Variants in FAM217A observed in about 807,000 individuals in gnomAD.
The protein encoded by FAM217A is protein FAM217A.
Under a neutral mutation model 18.5 loss-of-function variants are expected in FAM217A, and 13 were observed. That is an observed-to-expected ratio of 0.70 (90% confidence interval 0.46 to 1.12). The LOEUF is 1.12. Among genes scored for constraint, FAM217A ranks in the 50% most tolerant of loss-of-function variants. FAM217A has a pLI of 0.00. For missense variants in FAM217A, 560 were observed against 575.4 expected, an observed-to-expected ratio of 0.97 and a Z score of 0.27; for synonymous variants, 161 against 202.8, an observed-to-expected ratio of 0.79 and a Z score of 1.75.
chr6:4,087,108 C>G (rs190890357), upstream of FAM217A: 1 of 402,380 alleles, frequency 2.5e-6, no homozygotes, highest in South Asian at 1.3e-4. Flanking sequence ...CTTGGGGCCT[C>G]GTAGGTCTGT....
At chr6:4,080,736 T>C (rs1359932837), upstream of FAM217A, among the ~76,000 whole-genome samples, 3 of 152,222 alleles carry the variant, frequency 2.0e-5, 1 homozygote, top group Admixed American at 2.0e-4. Flanking sequence ...TCGGACATTT[T>C]ACAATTTTCC....
rs942391088 is a variant in FAM217A at position 4,073,192 on chromosome 6, T to C, written c.302+83A>G. The C allele has an allele frequency of 2.8e-6, 3 of 1,064,758 alleles. No homozygotes were observed. In the African/African-American group the frequency reaches 4.8e-5, roughly 17 times the overall value. The allele number at this position is 1,064,758 out of a possible 1,614,324, so 66.0% of individuals were successfully genotyped here. A position where few individuals can be genotyped will look rare whatever the true frequency, so the allele number is the denominator to read the frequency against. On this transcript the variant is annotated intron_variant, in intron 6 of 6. Coordinates refer to ENST00000274673, the MANE Select transcript of FAM217A (RefSeq NM_173563.3). ...ACTATTTTCTTCTGGTTGTTCATGG[T>C]CCTTGTATTTCAAATAGTTATCTCA...
At chr6:4,082,594 C>T (rs1770372812), upstream of FAM217A, among the ~76,000 whole-genome samples, 1 of 152,218 alleles carries the variant, frequency 6.6e-6, no homozygotes, top group Admixed American at 6.5e-5. Flanking sequence ...CAGAGAGTGG[C>T]CCATACCCAG....
chr6:4,080,671 C>T (rs1770228200), upstream of FAM217A, among the ~76,000 whole-genome samples: 1 of 152,220 alleles, frequency 6.6e-6, no homozygotes, highest in South Asian at 2.1e-4. Flanking sequence ...ATTCTGCAGC[C>T]ATCCCTTAGG....
At chr6:4,085,508 T>TA (rs1449750742) in intron 1 of FAM217A, among the ~76,000 whole-genome samples, 1 of 152,082 alleles carries the variant, frequency 6.6e-6, no homozygotes, top group Non-Finnish European at 1.5e-5. Context: ...TATAAAGAAT[T>TA]ACATTTTAGT....
intron 2 of FAM217A, among the ~76,000 whole-genome samples, chr6:4,074,940 A>T (rs1428254872): frequency 6.6e-6 from 1 of 152,200 alleles, no homozygotes; most frequent in Non-Finnish European, 1.5e-5. Flanking sequence ...AGGTTTTCAA[A>T]ATTGATTTTT....
At chr6:4,077,301 G>C (rs666254) in intron 2 of FAM217A, 54 bp downstream of exon 2, 328,581 of 1,583,072 alleles carry the variant, frequency 0.21, 39,489 homozygotes, top group African/African-American at 0.51. Context: ...GGAGTTACGT[G>C]TTAGCAACAG....
Position 4,075,644 on chromosome 6 carries a change from C to T in FAM217A, c.61-983G>A, listed in dbSNP as rs186289158. Among the ~76,000 whole-genome samples the T allele has an allele frequency of 6.6e-5, 10 of 152,142 alleles. No individual in the cohort carries two copies. The East Asian group carries it at 1.9e-3, about 29-fold the overall frequency. On this transcript the variant is annotated intron_variant, in intron 2 of 6. Coordinates refer to ENST00000274673, the MANE Select transcript of FAM217A (RefSeq NM_173563.3). ...GAAAACAGAAAGTGAAGAGGTGATT[C>T]GTTTATAAGAAAGTAACTTTTTAGG...
At chr6:4,076,012 C>T (rs1349251710) in intron 2 of FAM217A, among the ~76,000 whole-genome samples, 1 of 152,038 alleles carries the variant, frequency 6.6e-6, no homozygotes, top group Non-Finnish European at 1.5e-5. Context: ...CAAAAAAATG[C>T]TGCAAATCCT....
At chr6:4,072,466 T>TTAA (rs1554144494) in intron 6 of FAM217A, among the ~76,000 whole-genome samples, 25 of 147,098 alleles carry the variant, frequency 1.7e-4, no homozygotes, top group African/African-American at 4.5e-4. Context: ...AAAAAGTATT[T>TTAA]AAAAAAAAAA....
chr6:4,083,849 C>G (rs545997268), upstream of FAM217A, among the ~76,000 whole-genome samples: 9 of 152,220 alleles, frequency 5.9e-5, no homozygotes, highest in Admixed American at 4.6e-4. Context: ...CCACTGTGCC[C>G]CAGCCTACAG....
chr6:4,074,192 G>A (rs191526780), intron 4 of FAM217A, among the ~76,000 whole-genome samples: 6 of 151,962 alleles, frequency 3.9e-5, no homozygotes, highest in South Asian at 2.1e-4. Flanking sequence ...CTTCCCTTTC[G>A]GCAATGACTA....
chr6:4,068,806 A>G lies in FAM217A; in HGVS notation c.1417T>C (p.Tyr473His). The change falls in exon 7 of 7, where the codon TAC becomes CAC. Residue 473 changes from tyrosine to histidine, a missense_variant. Coordinates refer to ENST00000274673, the MANE Select transcript of FAM217A (RefSeq NM_173563.3). ...CTATTCAACACTATATTTTGTCGGT[A>G]AAGTTTCTTTTTGGTCCCAAAGTTT... is the stretch of plus-strand genomic sequence containing the variant. Reference protein sequence around the residue: ...KRNFGTKKKLYRQNIVLNRPF... With the variant: ...KRNFGTKKKLHRQNIVLNRPF... 2 of 1,614,182 alleles carry G rather than the reference A, an allele frequency of 1.2e-6. No homozygotes were observed. The highest frequency in any genetic ancestry group is 1.7e-6 in the Non-Finnish European group (2 of 1,180,008).
rs188494795 is a variant in FAM217A at position 4,072,925 on chromosome 6, G to A, written c.302+350C>T. On this transcript the variant is annotated intron_variant, in intron 6 of 6. Transcript: ENST00000274673. ...TGATAACTACCTTCCTTACATGGTC[G>A]GTTGTGATTTAAATGAATTACTACA... Among the ~76,000 whole-genome samples, 326 of 152,288 alleles carry A rather than the reference G, an allele frequency of 2.1e-3. 1 individual carries two copies. Among genetic ancestry groups the A allele is most frequent in the African/African-American group, 7.5e-3 (311 of 41,556 alleles).
At chr6:4,081,650 A>G (rs1398396134), upstream of FAM217A, among the ~76,000 whole-genome samples, 1 of 152,218 alleles carries the variant, frequency 6.6e-6, no homozygotes, top group African/African-American at 2.4e-5. Flanking sequence ...CCTGAGCCTT[A>G]GATGTATTAT....
At chr6:4,087,098 CTT>C (rs1770717168), upstream of FAM217A, 1 of 401,256 alleles carries the variant, frequency 2.5e-6, no homozygotes, top group Non-Finnish European at 4.4e-6. Context: ...ACCACTCTCT[CTT>C]GGGGCCTCGT....
chr6:4,076,842 T>C (rs1769834198), intron 2 of FAM217A, among the ~76,000 whole-genome samples: 1 of 152,194 alleles, frequency 6.6e-6, no homozygotes, highest in African/African-American at 2.4e-5. Flanking sequence ...CACTCCAGCC[T>C]GGGAGACAGA....
intron 2 of FAM217A, 117 bp from the exon 3 acceptor site, chr6:4,074,778 C>G (rs1769667068): frequency 1.4e-6 from 1 of 706,036 alleles, no homozygotes; most frequent in Non-Finnish European, 2.4e-6. Context: ...ATGACTCTCA[C>G]CCCTCATTAT....
intron 1 of FAM217A, among the ~76,000 whole-genome samples, chr6:4,085,491 C>T (rs900426450): frequency 6.6e-6 from 1 of 152,048 alleles, no homozygotes; most frequent in African/African-American, 2.4e-5. Flanking sequence ...AGTCAATTTA[C>T]ATGAAGTATA....
Sources: allele counts gnomAD v4.1 joint callset (sites outside exome capture counted in the v4.1 genomes callset), GRCh38; gene constraint gnomAD v4.1.1; transcripts MANE v1.5; gene names NCBI Gene and HGNC (gene_info 2026-07-23, HGNC 2026-07-21).